CA12: variants seen among roughly 807,000 people sequenced by gnomAD.
CA12 encodes carbonate dehydratase XII.
Under a neutral mutation model 46.8 loss-of-function variants are expected in CA12, and 36 were observed. The observed-to-expected ratio is 0.77, with a 90% CI of 0.59 to 1.02. The LOEUF (loss-of-function observed/expected upper bound fraction) is 1.02, where lower values mean the gene tolerates loss of function less well. CA12 is among the 50% of genes least tolerant of loss of function. CA12 has a pLI of 0.00. For synonymous variants in CA12, 202 were observed against 187.0 expected (o/e 1.08, Z -0.65); for missense variants, 436 against 451.4 (o/e 0.97, Z 0.31).
Position 63,338,799 on chromosome 15 carries a change from C to G in CA12, c.874+20G>C, listed in dbSNP as rs541872967. The G allele has an allele frequency of 6.2e-6, 10 of 1,613,740 alleles. No homozygotes were observed. The East Asian group carries it at 1.6e-4, about 25-fold the overall frequency. ...CACCACACTCCCGCACCCCCTCCCC[C>G]CAGCACTGCCTCTCCTCACCTTGGG... On this transcript the variant is annotated intron_variant, in intron 8 of 10. Transcript: ENST00000178638.
Position 63,345,350 on chromosome 15 carries a change from A to C in CA12, c.429+127T>G. On this transcript the variant is annotated intron_variant, in intron 4 of 10. Transcript: ENST00000178638. The surrounding 1 kb of genome is among the most constrained non-coding windows in gnomAD (Gnocchi z 4.3). ...GCTGCGCCCCTTGTGCCAGGGCCAG[A>C]GGTGGGGCAGAGAGCCTGAAGGCAG... is the stretch of plus-strand genomic sequence containing the variant. The C allele has an allele frequency of 8.2e-7, 1 of 1,214,320 alleles. No individual in the cohort carries two copies. The highest frequency in any genetic ancestry group is 1.2e-6 in the Non-Finnish European group (1 of 855,044). The allele number at this position is 1,214,320 out of a possible 1,614,324, so 75.2% of individuals were successfully genotyped here.
At position 63,327,958 on chromosome 15, in the gene CA12, G is replaced by C; in HGVS notation, c.907+140C>G. The C allele has an allele frequency of 1.3e-6, 1 of 762,480 alleles. No individual in the cohort carries two copies. Among genetic ancestry groups the C allele is most frequent in the East Asian group, 2.6e-5 (1 of 39,180 alleles). The allele number at this position is 762,480 out of a possible 1,614,324, so 47.2% of individuals were successfully genotyped here. A position where few individuals can be genotyped will look rare whatever the true frequency, so the allele number is the denominator to read the frequency against. ...TCATCTTTGAATCACAGAGCGACTTGAGGGTAAGACCCATAGCAAGGAGAG... is the reference window on the plus strand; with the variant it reads ...TCATCTTTGAATCACAGAGCGACTTCAGGGTAAGACCCATAGCAAGGAGAG... On this transcript the variant is annotated intron_variant, in intron 9 of 10. Coordinates refer to ENST00000178638, the MANE Select transcript of CA12 (RefSeq NM_001218.5). This position sits in a 1 kb window ranked among gnomAD's most constrained non-coding sequence, Gnocchi z 4.5.
Position 63,342,206 on chromosome 15 carries a change from G to T in CA12, c.430-109C>A, listed in dbSNP as rs1075456. 0.43 allele frequency: 318,698 copies of T among 737,470 alleles called. 75,145 individuals are homozygous for T. The highest frequency in any genetic ancestry group is 0.52 in the Non-Finnish European group (210,587 of 407,488). The allele number at this position is 737,470 out of a possible 1,614,324, so 45.7% of individuals were successfully genotyped here. A position where few individuals can be genotyped will look rare whatever the true frequency, so the allele number is the denominator to read the frequency against. ...TGAGGACAGAACCCCAGCCCCCTCA[G>T]CCCCCCAGACTAGGTTAGGTCTCTC... is the stretch of plus-strand genomic sequence containing the variant. On this transcript the variant is annotated intron_variant, in intron 4 of 10. Coordinates refer to ENST00000178638, the MANE Select transcript of CA12 (RefSeq NM_001218.5).
intron 8 of CA12, among the ~76,000 whole-genome samples, chr15:63,337,457 GTTTTTTGGTTT>G: frequency 6.6e-6 from 1 of 152,098 alleles, no homozygotes; most frequent in Admixed American, 6.5e-5. Flanking sequence ...TTTTGTTTTT[GTTTTTTGGTTT>G]TTTTTTGAGA....
rs746615171 is a variant in CA12 at position 63,345,654 on chromosome 15, G to A, written c.287-35C>T. On this transcript the variant is annotated intron_variant, in intron 3 of 10. Coordinates refer to ENST00000178638, the MANE Select transcript of CA12 (RefSeq NM_001218.5). The surrounding 1 kb of genome is among the most constrained non-coding windows in gnomAD (Gnocchi z 4.3). ...GTGGAGGAGCAGCCTTCAGAGCCCC[G>A]GCCAGCTGTGCACTGCCAGAGAGCA... 1.3e-5 allele frequency: 20 copies of A among 1,599,946 alleles called. No homozygotes were observed. The highest frequency in any genetic ancestry group is 1.7e-4 in the Middle Eastern group (1 of 5,812).
At chr15:63,364,344 A>AAAAAAAAAAAAAAAAAAC (rs2039410697) in intron 2 of CA12, among the ~76,000 whole-genome samples, 1 of 149,496 alleles carries the variant, frequency 6.7e-6, no homozygotes, top group Non-Finnish European at 1.5e-5. Flanking sequence ...AAAAAAAAAA[A>AAAAAAAAAAAAAAAAAAC]AAAAAAAAAA....
chr15:63,345,053 A>AT lies in CA12; in HGVS notation c.429+423dup, dbSNP rs1023868094. On this transcript the variant is annotated intron_variant, in intron 4 of 10. Transcript: ENST00000178638. This position sits in a 1 kb window ranked among gnomAD's most constrained non-coding sequence, Gnocchi z 4.3. ...ACAACCCATGCCCAGAGAGGGAAAG[A>AT]TAGCATCAAAATGATGCAAACAGCA... is the stretch of plus-strand genomic sequence containing the variant. Among the ~76,000 whole-genome samples the AT allele has an allele frequency of 8.5e-5, 13 of 152,216 alleles. 1 individual carries two copies. The highest frequency in any genetic ancestry group is 7.8e-4 in the Admixed American group (12 of 15,288).
At position 63,346,513 on chromosome 15, in the gene CA12, C is replaced by T. The variant is rs2039150361; in HGVS notation, c.286+17G>A. On this transcript the variant is annotated intron_variant, in intron 3 of 10. Coordinates refer to ENST00000178638, the MANE Select transcript of CA12 (RefSeq NM_001218.5). ...GACTCAGACATACCCCTCAGGTCTC[C>T]AAGGCCTCTCCCTCACCTGAATGGC... The T allele has an allele frequency of 6.2e-7, 1 of 1,612,772 alleles. No individual in the cohort carries two copies. The highest frequency in any genetic ancestry group is 1.3e-5 in the African/African-American group (1 of 75,008).
chr15:63,363,526 G>T (rs16946922), intron 2 of CA12, among the ~76,000 whole-genome samples: 4,343 of 152,280 alleles, frequency 0.029, 155 homozygotes, highest in South Asian at 0.11. Context: ...TCTTCTTGAG[G>T]GTAAAAATGG....
At chr15:63,362,445 G>C (rs572834919) in intron 2 of CA12, among the ~76,000 whole-genome samples, 5 of 152,186 alleles carry the variant, frequency 3.3e-5, no homozygotes, top group Non-Finnish European at 7.3e-5. Flanking sequence ...GGAGGGACCA[G>C]AGCCCAGGCA....
intron 2 of CA12, among the ~76,000 whole-genome samples, chr15:63,351,891 C>A (rs1201293656): frequency 6.6e-6 from 1 of 152,142 alleles, no homozygotes; most frequent in Admixed American, 6.5e-5. Context: ...CTTTGGAAGA[C>A]CAGAACTTTA....
In CA12 at chr15:63,327,113, G is replaced by T; in HGVS notation, c.992+36C>A. 6.6e-7 allele frequency: 1 copy of T among 1,523,154 alleles called. No homozygotes were observed. Among genetic ancestry groups the T allele is most frequent in the Non-Finnish European group, 9.1e-7 (1 of 1,097,398 alleles). The allele number at this position is 1,523,154 out of a possible 1,614,324, so 94.4% of individuals were successfully genotyped here. ...GCAGACTAATCATCATGGACACATA[G>T]CTGTCCATTCCCATTTTGGACCCAA... On this transcript the variant is annotated intron_variant, in intron 10 of 10. Coordinates refer to ENST00000178638, the MANE Select transcript of CA12 (RefSeq NM_001218.5). The surrounding 1 kb of genome is among the most constrained non-coding windows in gnomAD (Gnocchi z 4.5).
rs2038857303 is a variant in CA12, at chr15:63,325,757, TC to T, written c.*527del. The T allele has an allele frequency of 5.2e-6, 1 of 192,336 alleles. No individual in the cohort carries two copies. Among genetic ancestry groups the T allele is most frequent in the Non-Finnish European group, 1.1e-5 (1 of 91,256 alleles). 11.9% of individuals were successfully genotyped at this position (192,336 alleles called of 1,614,324 possible). A position where few individuals can be genotyped will look rare whatever the true frequency, so the allele number is the denominator to read the frequency against. On this transcript the variant is annotated 3_prime_UTR_variant, in exon 11 of 11. Transcript: ENST00000178638. The surrounding 1 kb of genome is among the most constrained non-coding windows in gnomAD (Gnocchi z 4.9). ...ACTTGATCCTTCCTGTCCCCATTTG[TC>T]CCCGAGTTGTAAGGTGCAGATTAAA...
intron 2 of CA12, chr15:63,375,372 A>C: frequency 2.8e-6 from 1 of 351,098 alleles, no homozygotes; most frequent in African/African-American, 2.1e-5. Context: ...AGTTACCTCC[A>C]AATCTTGGAG....
rs950537551 is a variant in CA12, at chr15:63,331,883, G to A, written c.875-3753C>T. The A allele has an allele frequency of 2.6e-5, 4 of 152,172 alleles. No individual in the cohort carries two copies. The highest frequency in any genetic ancestry group is 2.1e-4 in the South Asian group (1 of 4,832). 9.4% of individuals were successfully genotyped at this position (152,172 alleles called of 1,614,324 possible). A position where few individuals can be genotyped will look rare whatever the true frequency, so the allele number is the denominator to read the frequency against. On this transcript the variant is annotated intron_variant, in intron 8 of 10. Transcript: ENST00000178638. This position sits in a 1 kb window ranked among gnomAD's most constrained non-coding sequence, Gnocchi z 5.3. ...GCATAAACACAGAAGAGTCCAGCAC[G>A]AGGAACAAGCACCTCACTTTCACAT...
chr15:63,345,238 T>C lies in CA12; in HGVS notation c.429+239A>G, dbSNP rs116131065. ...AATACTGCCTCCCCAGCAGCATCAC[T>C]CAGTAAAAGACACAGGGACAAACTT... is the stretch of plus-strand genomic sequence containing the variant. On this transcript the variant is annotated intron_variant, in intron 4 of 10. Coordinates refer to ENST00000178638, the MANE Select transcript of CA12 (RefSeq NM_001218.5). This position sits in a 1 kb window ranked among gnomAD's most constrained non-coding sequence, Gnocchi z 4.3. Among the ~76,000 whole-genome samples the C allele has an allele frequency of 4.7e-3, 708 of 152,232 alleles. 7 individuals carry two copies. The highest frequency in any genetic ancestry group is 0.016 in the African/African-American group (685 of 41,542).
At chr15:63,364,061 C>T (rs1486431291) in intron 2 of CA12, among the ~76,000 whole-genome samples, 1 of 151,974 alleles carries the variant, frequency 6.6e-6, no homozygotes, top group Admixed American at 6.6e-5. Flanking sequence ...GTGGCGCATG[C>T]CTGTAATCCC....
chr15:63,348,027 T>A lies in CA12; in HGVS notation c.107-1318A>T, dbSNP rs78522663. ...CTAACTAGGGGACCGTATCTGAGAG[T>A]GGGAAGAATCCGAAGTGATACTTGG... On this transcript the variant is annotated intron_variant, in intron 2 of 10. Transcript: ENST00000178638. The surrounding 1 kb of genome is among the most constrained non-coding windows in gnomAD (Gnocchi z 4.6). Among the ~76,000 whole-genome samples the A allele has an allele frequency of 1.5e-3, 226 of 152,168 alleles. 5 individuals are homozygous for A. In the East Asian group the frequency reaches 0.041, roughly 27 times the overall value.
chr15:63,375,816 T>C, intron 1 of CA12, 138 bp from the exon 2 acceptor site: 1 of 686,122 alleles, frequency 1.5e-6, no homozygotes, highest in Non-Finnish European at 2.6e-6. Context: ...TTTTTCTTTT[T>C]TTTTTTTTTC....
Sources: allele counts gnomAD v4.1 joint callset (sites outside exome capture counted in the v4.1 genomes callset), GRCh38; gene constraint gnomAD v4.1.1; non-coding constraint Gnocchi (gnomAD v3.1); transcripts MANE v1.5; gene names NCBI Gene and HGNC (gene_info 2026-07-23, HGNC 2026-07-21).